Variants in RFX8 observed in about 807,000 individuals in gnomAD.
RFX8 encodes the protein DNA-binding protein RFX8.
Under a neutral mutation model 54.6 loss-of-function variants are expected in RFX8, and 46 were observed. That is an observed-to-expected ratio of 0.84 (90% CI 0.67 to 1.08). The LOEUF (loss-of-function observed/expected upper bound fraction) is 1.08. RFX8 is among the 50% of genes least tolerant of loss of function. RFX8 has a pLI of 0.00. For synonymous variants in RFX8, 192 were observed against 209.5 expected (o/e 0.92, Z 0.72); for missense variants, 536 against 562.3 (o/e 0.95, Z 0.47).
chr2:101,427,385 G>A (rs946879738), intron 2 of RFX8, among the ~76,000 whole-genome samples: 3 of 152,144 alleles, frequency 2.0e-5, no homozygotes, highest in Admixed American at 6.5e-5. Flanking sequence ...AGACTGCAGC[G>A]TGAGAAGGAT....
chr2:101,449,061 C>T (rs1356883464), intron 2 of RFX8, among the ~76,000 whole-genome samples: 1 of 152,118 alleles, frequency 6.6e-6, no homozygotes, highest in African/African-American at 2.4e-5. Context: ...TCCCATTAGA[C>T]AGAGACAAGA....
intron 1 of RFX8, among the ~76,000 whole-genome samples, chr2:101,470,864 C>A (rs113926418): frequency 6.6e-6 from 1 of 150,722 alleles, no homozygotes. Flanking sequence ...GGACTACAGG[C>A]GCCTGCCACC....
chr2:101,433,445 G>A (rs1003622335), intron 2 of RFX8, among the ~76,000 whole-genome samples: 2 of 152,148 alleles, frequency 1.3e-5, no homozygotes, highest in African/African-American at 4.8e-5. Flanking sequence ...TGATCAATTT[G>A]TCTAAAAAAA....
At chr2:101,436,674 C>T (rs996571491) in intron 2 of RFX8, among the ~76,000 whole-genome samples, 1 of 152,146 alleles carries the variant, frequency 6.6e-6, no homozygotes, top group Admixed American at 6.5e-5. Context: ...CTAGAGAGCT[C>T]GCTTCTGGGT....
At chr2:101,470,806 G>T (rs912094237) in intron 1 of RFX8, among the ~76,000 whole-genome samples, 2 of 137,240 alleles carry the variant, frequency 1.5e-5, no homozygotes, top group South Asian at 2.4e-4. Context: ...TGCAAGCTCC[G>T]CCTCCCAGGT....
intron 2 of RFX8, among the ~76,000 whole-genome samples, chr2:101,426,922 T>C (rs1390405427): frequency 1.3e-5 from 2 of 152,226 alleles, no homozygotes; most frequent in African/African-American, 4.8e-5. Context: ...GATGCCTTGA[T>C]GGTGCCCCAC....
intron 2 of RFX8, among the ~76,000 whole-genome samples, chr2:101,458,550 T>C (rs1008854049): frequency 1.3e-5 from 2 of 152,254 alleles, no homozygotes; most frequent in Non-Finnish European, 2.9e-5. Flanking sequence ...CACTCTCTTC[T>C]GGCTTGTAGG....
intron 2 of RFX8, chr2:101,452,574 A>G (rs1268343742): frequency 2.5e-6 from 1 of 407,610 alleles, no homozygotes; most frequent in African/African-American, 2.1e-5. Context: ...TAAAGAAAAT[A>G]AATATAATAA....
At chr2:101,443,121 G>C (rs180991916) in intron 2 of RFX8, among the ~76,000 whole-genome samples, 1 of 152,148 alleles carries the variant, frequency 6.6e-6, no homozygotes, top group African/African-American at 2.4e-5. Flanking sequence ...CTTTTCCTAC[G>C]TCAGGCTTGG....
rs189971638 is a variant in RFX8 at position 101,397,481 on chromosome 2, T to A, written c.*67A>T. On this transcript the variant is annotated 3_prime_UTR_variant, in exon 12 of 12. Transcript: ENST00000428343. The stretch of plus-strand genomic sequence containing the variant: ...ATCATCTTTCGTCAATAGAAAAACT[T>A]TAGTATTTAATATTTTTAAGAATGC... 51 of 1,072,168 alleles carry A rather than the reference T, an allele frequency of 4.8e-5. No homozygotes were observed. The African/African-American group carries it at 7.1e-4, about 15-fold the overall frequency. The allele number at this position is 1,072,168 out of a possible 1,614,324, so 66.4% of individuals were successfully genotyped here.
At chr2:101,454,994 T>C (rs965525907) in intron 2 of RFX8, among the ~76,000 whole-genome samples, 2 of 151,158 alleles carry the variant, frequency 1.3e-5, no homozygotes, top group African/African-American at 4.9e-5. Context: ...CTGAGTGGTA[T>C]TGCCTAGGTT....
chr2:101,413,939 T>G (rs936672346), intron 7 of RFX8, among the ~76,000 whole-genome samples: 1 of 152,102 alleles, frequency 6.6e-6, no homozygotes, highest in Non-Finnish European at 1.5e-5. Flanking sequence ...ATCCTCCCAG[T>G]GGAGACTGAT....
At chr2:101,414,175 T>C (rs1686341647) in intron 7 of RFX8, among the ~76,000 whole-genome samples, 4 of 152,190 alleles carry the variant, frequency 2.6e-5, no homozygotes, top group South Asian at 2.1e-4. Context: ...GTGAAGGGTG[T>C]GTCTGTCTGT....
intron 10 of RFX8, among the ~76,000 whole-genome samples, chr2:101,404,916 G>T (rs1305200056): frequency 3.3e-5 from 5 of 152,196 alleles, no homozygotes; most frequent in Non-Finnish European, 5.9e-5. Flanking sequence ...AGCTGGTCTA[G>T]AATAGGGCTT....
Position 101,474,607 on chromosome 2 carries a change from A to T in RFX8, c.-53+29T>A. The T allele has an allele frequency of 7.9e-6, 2 of 253,404 alleles. 1 individual carries two copies. The highest frequency in any genetic ancestry group is 1.5e-5 in the Non-Finnish European group (2 of 133,490). 15.7% of individuals were successfully genotyped at this position (253,404 alleles called of 1,614,324 possible). A position where few individuals can be genotyped will look rare whatever the true frequency, so the allele number is the denominator to read the frequency against. On this transcript the variant is annotated intron_variant, in intron 1 of 11. Transcript: ENST00000428343. ...CCACCGGCGTAGCAACCAGTCAAAC[A>T]GGGACGCGAACAACAAGCACCAACT... is the stretch of plus-strand genomic sequence containing the variant.
At position 101,402,898 on chromosome 2, in the gene RFX8, C is replaced by T. The variant is rs1213453405; in HGVS notation, c.929-146G>A. On this transcript the variant is annotated intron_variant, in intron 10 of 11. Coordinates refer to ENST00000428343, the MANE Select transcript of RFX8 (RefSeq NM_001145664.2). ...TTACCCAGAAGAGGCCTGGGTCGGC[C>T]TCTTACGTAGCATCCATCAGTAGAA... is the stretch of plus-strand genomic sequence containing the variant. 4 of 718,120 alleles carry T rather than the reference C, an allele frequency of 5.6e-6. No homozygotes were observed. In the Admixed American group the frequency reaches 1.2e-4, roughly 21 times the overall value. The allele number at this position is 718,120 out of a possible 1,614,324, so 44.5% of individuals were successfully genotyped here. A position where few individuals can be genotyped will look rare whatever the true frequency, so the allele number is the denominator to read the frequency against.
chr2:101,454,609 T>A (rs1688868101), intron 2 of RFX8, among the ~76,000 whole-genome samples: 1 of 152,226 alleles, frequency 6.6e-6, no homozygotes. Flanking sequence ...TAAGATGATA[T>A]CTCATTGTGG....
chr2:101,473,538 T>C (rs1016781182), intron 1 of RFX8, among the ~76,000 whole-genome samples: 1 of 152,218 alleles, frequency 6.6e-6, no homozygotes, highest in Non-Finnish European at 1.5e-5. Flanking sequence ...CATGACTTTT[T>C]CAAAAGTCTT....
In RFX8 at chr2:101,397,361, AT is replaced by A. The variant is rs1685185794; in HGVS notation, c.*186del. On this transcript the variant is annotated 3_prime_UTR_variant, in exon 12 of 12. Transcript: ENST00000428343. ...AAGAAAAGCAACAGAGGCAAAAATT[AT>A]TCTCCAAATCAGTTTACATATTTTA... 2.7e-6 allele frequency: 1 copy of A among 370,786 alleles called. No individual in the cohort carries two copies. Among genetic ancestry groups the A allele is most frequent in the South Asian group, 1.2e-4 (1 of 8,664 alleles). The allele number at this position is 370,786 out of a possible 1,614,324, so 23.0% of individuals were successfully genotyped here.
Sources: gnomAD v4.1 joint callset for allele counts (sites outside exome capture counted in the v4.1 genomes callset) on GRCh38, gnomAD v4.1.1 for gene constraint, MANE v1.5 for transcripts, NCBI Gene and HGNC (gene_info 2026-07-23, HGNC 2026-07-21) for gene names.